VSX1: variants seen among roughly 807,000 people sequenced by gnomAD.
VSX1 encodes homeodomain protein RINX.
VSX1 carries 23 observed loss-of-function variants against 23.6 expected under a neutral mutation model. That is an observed-to-expected ratio of 0.97 (90% CI 0.70 to 1.38). The LOEUF is 1.38. Ranked by LOEUF, VSX1 falls within the 40% of genes most tolerant of loss-of-function variation. The pLI, the probability that VSX1 is intolerant of heterozygous loss-of-function variation, is 0.00. For synonymous variants in VSX1, 247 were observed against 215.1 expected (o/e 1.15, Z -1.30); for missense variants, 517 against 495.4 (o/e 1.04, Z -0.41).
rs2122908539 is a variant in VSX1 at position 25,081,977 on chromosome 20, C to T, written c.120G>A (p.Glu40=). 6.5e-7 allele frequency: 1 copy of T among 1,533,504 alleles called. No homozygotes were observed. Among genetic ancestry groups the T allele is most frequent in the Non-Finnish European group, 8.7e-7 (1 of 1,146,364 alleles). The allele number at this position is 1,533,504 out of a possible 1,614,324, so 95.0% of individuals were successfully genotyped here. A position where few individuals can be genotyped will look rare whatever the true frequency, so the allele number is the denominator to read the frequency against. The change falls in exon 1 of 5, where the codon GAG becomes GAA. Residue 40 remains glutamate, a synonymous_variant. Transcript: ENST00000376709. ...GGCCAGCGGGCGCCGGCAGCTCGGCCTCCAAGCCCAGCAGGTCCGTGATGG... is the reference window on the plus strand; with the variant it reads ...GGCCAGCGGGCGCCGGCAGCTCGGCTTCCAAGCCCAGCAGGTCCGTGATGG... ...GFAITDLLGL[E]AELPAPAGPG...
downstream of VSX1, among the ~76,000 whole-genome samples, chr20:25,072,966 G>A (rs145823418): frequency 3.4e-3 from 511 of 152,126 alleles, 1 homozygote; most frequent in African/African-American, 0.012. Context: ...AAACAATTTT[G>A]AACACTGGAA....
At chr20:25,078,511 T>C in intron 3 of VSX1, 1 of 1,306,932 alleles carries the variant, frequency 7.7e-7, no homozygotes, top group African/African-American at 1.5e-5. Flanking sequence ...GCATTTGTGT[T>C]GATTTCTTTC....
chr20:25,071,125 G>C, downstream of VSX1: 1 of 454,128 alleles, frequency 2.2e-6, no homozygotes, highest in Non-Finnish European at 4.4e-6. Flanking sequence ...GTGACTTAGA[G>C]GGTCAGTAAG....
chr20:25,077,492 T>C (rs2089524894), intron 4 of VSX1, among the ~76,000 whole-genome samples, 193 bp downstream of exon 4: 1 of 152,230 alleles, frequency 6.6e-6, no homozygotes, highest in Non-Finnish European at 1.5e-5. Context: ...ACAGTCTCTG[T>C]GAAAAATGAG....
At position 25,078,103 on chromosome 20, in the gene VSX1, T is replaced by A. The variant is rs137929828; in HGVS notation, c.628-238A>T. On this transcript the variant is annotated intron_variant, in intron 3 of 4. Coordinates refer to ENST00000376709, the MANE Select transcript of VSX1 (RefSeq NM_014588.6). ...CGGGCATTCAACGCAGTAGGGACAC[T>A]TGTGACCACGTCCACTGAAGTTTCC... 290 of 588,740 alleles carry A rather than the reference T, an allele frequency of 4.9e-4. 1 individual carries two copies. The highest frequency in any genetic ancestry group is 7.3e-4 in the Non-Finnish European group (243 of 331,832). The allele number at this position is 588,740 out of a possible 1,614,324, so 36.5% of individuals were successfully genotyped here.
At chr20:25,078,520 T>G in intron 3 of VSX1, 1 of 1,322,416 alleles carries the variant, frequency 7.6e-7, no homozygotes, top group Non-Finnish European at 9.7e-7. Flanking sequence ...TTGATTTCTT[T>G]CAGGGTTTGA....
chr20:25,076,203 G>T lies in VSX1; in HGVS notation c.*58C>A. ...TGTCTTGGACAATTTTTGTCTTTTG[G>T]AAAATGCCAGTGAGGAATATGCACA... On this transcript the variant is annotated 3_prime_UTR_variant, in exon 5 of 5. Coordinates refer to ENST00000376709, the MANE Select transcript of VSX1 (RefSeq NM_014588.6). 6.2e-7 allele frequency: 1 copy of T among 1,610,392 alleles called. No individual in the cohort carries two copies. The highest frequency in any genetic ancestry group is 1.3e-5 in the African/African-American group (1 of 74,930).
At chr20:25,081,636 G>A in intron 1 of VSX1, 37 bp downstream of exon 1, 18 of 1,533,582 alleles carry the variant, frequency 1.2e-5, no homozygotes, top group Non-Finnish European at 1.5e-5. Flanking sequence ...AGAGCCTAGG[G>A]GACAGGGGCA....
At chr20:25,077,404 G>A (rs2089522178) in intron 4 of VSX1, among the ~76,000 whole-genome samples, 1 of 152,210 alleles carries the variant, frequency 6.6e-6, no homozygotes, top group Non-Finnish European at 1.5e-5. Flanking sequence ...TGCTGTTAAT[G>A]CAATGATGTC....
chr20:25,078,979 G>A (rs762351857), intron 2 of VSX1, 27 bp from the exon 3 acceptor site: 2 of 1,612,802 alleles, frequency 1.2e-6, no homozygotes, highest in South Asian at 2.2e-5. Context: ...ACACACAGGT[G>A]GGCACATGTC....
chr20:25,074,746 C>T (rs1237643223), downstream of VSX1, among the ~76,000 whole-genome samples: 1 of 152,162 alleles, frequency 6.6e-6, no homozygotes, highest in Non-Finnish European at 1.5e-5. Context: ...CTCTCCCAAA[C>T]TCAATCCTGG....
chr20:25,081,862 G>T lies in VSX1; in HGVS notation c.235C>A (p.Pro79Thr). 1 of 1,523,362 alleles carries T rather than the reference G, an allele frequency of 6.6e-7. No homozygotes were observed. Among genetic ancestry groups the T allele is most frequent in the Non-Finnish European group, 8.8e-7 (1 of 1,142,712 alleles). The allele number at this position is 1,523,362 out of a possible 1,614,324, so 94.4% of individuals were successfully genotyped here. A position where few individuals can be genotyped will look rare whatever the true frequency, so the allele number is the denominator to read the frequency against. The change falls in exon 1 of 5, where the codon CCG becomes ACG. Residue 79 changes from proline (P) to threonine (T), a missense_variant. Coordinates refer to ENST00000376709, the MANE Select transcript of VSX1 (RefSeq NM_014588.6). ...DGSSLARGAL[P>T]LGLGLLCGFG... ...CCACAGAGGAGGCCGAGTCCCAGCG[G>T]TAGGGCCCCACGCGCCAGGCTGGAG...
chr20:25,076,062 C>T lies in VSX1; in HGVS notation c.*199G>A, dbSNP rs145201675. On this transcript the variant is annotated 3_prime_UTR_variant, in exon 5 of 5. Coordinates refer to ENST00000376709, the MANE Select transcript of VSX1 (RefSeq NM_014588.6). ...ACTGGTTAAAGTGCCATTAAGGAACCGTTTCCATTCTAGAATGAAATAGAA... is the reference window on the plus strand; with the variant it reads ...ACTGGTTAAAGTGCCATTAAGGAACTGTTTCCATTCTAGAATGAAATAGAA... 1,789 of 698,840 alleles carry T rather than the reference C, an allele frequency of 2.6e-3. 6 individuals carry two copies. The highest frequency in any genetic ancestry group is 3.6e-3 in the Non-Finnish European group (1,543 of 426,244). The allele number at this position is 698,840 out of a possible 1,614,324, so 43.3% of individuals were successfully genotyped here. A position where few individuals can be genotyped will look rare whatever the true frequency, so the allele number is the denominator to read the frequency against.
chr20:25,071,787 G>C (rs1226521114), downstream of VSX1: 1 of 703,282 alleles, frequency 1.4e-6, no homozygotes, highest in Non-Finnish European at 2.6e-6. Flanking sequence ...TTGCACATGG[G>C]GTGCCCTGCA....
At chr20:25,072,089 G>C (rs1600370372), downstream of VSX1, 3 of 601,608 alleles carry the variant, frequency 5.0e-6, no homozygotes, top group East Asian at 8.3e-5. Context: ...GGGAAAGGTG[G>C]GACTGAGAGA....
chr20:25,080,046 A>G (rs2089607417), intron 1 of VSX1, among the ~76,000 whole-genome samples: 2 of 152,170 alleles, frequency 1.3e-5, no homozygotes, highest in East Asian at 1.9e-4. Flanking sequence ...ACCAAATCAG[A>G]ATCTCTGGAG....
intron 1 of VSX1, among the ~76,000 whole-genome samples, chr20:25,079,927 C>A (rs917110145): frequency 1.3e-5 from 2 of 152,150 alleles, no homozygotes; most frequent in Non-Finnish European, 1.5e-5. Context: ...CACATCCACC[C>A]CTATGCCCCC....
intron 1 of VSX1, 192 bp downstream of exon 1, chr20:25,081,481 G>T: frequency 1.1e-6 from 1 of 888,378 alleles, no homozygotes; most frequent in Non-Finnish European, 1.9e-6. Flanking sequence ...GAGAGGCAGG[G>T]ATTTAGGATG....
Position 25,077,809 on chromosome 20 carries a change from G to GCCGCCCCAGCGCTTCTC in VSX1, c.667_683dup (p.Ser229ArgfsTer9). 6.4e-7 allele frequency: 1 copy of GCCGCCCCAGCGCTTCTC among 1,551,440 alleles called. No homozygotes were observed. The highest frequency in any genetic ancestry group is 8.7e-7 in the Non-Finnish European group (1 of 1,147,106). On this transcript the variant is annotated frameshift_variant, in exon 4 of 5. Transcript: ENST00000376709. LOFTEE classifies it high-confidence loss of function. ...GCCCGTACTCGGCCATCACGCTGCT[G>GCCGCCCCAGCGCTTCTC]CCGCCCCAGCGCTTCTCCCGCTTGC...
Sources: gnomAD v4.1 joint callset for allele counts (sites outside exome capture counted in the v4.1 genomes callset) on GRCh38, gnomAD v4.1.1 for gene constraint, MANE v1.5 for transcripts, NCBI Gene and HGNC (gene_info 2026-07-23, HGNC 2026-07-21) for gene names.